Variants in EXTL3 observed in about 807,000 individuals in gnomAD.
EXTL3 encodes the protein exostosin like glycosyltransferase 3.
EXTL3 carries 27 observed loss-of-function variants against 69.3 expected under a neutral mutation model. The observed-to-expected ratio is 0.39, with a 90% CI of 0.29 to 0.54. The LOEUF is 0.54. Ranked by LOEUF, EXTL3 falls within the 20% of genes least tolerant of loss-of-function variation. The probability of loss-of-function intolerance (pLI) is 0.69; values close to 1 mark genes in which losing one functional copy is unlikely to be tolerated. For synonymous variants in EXTL3, 511 were observed against 499.4 expected (o/e 1.02, Z -0.31); for missense variants, 1,003 against 1,231.8 (o/e 0.81, Z 2.78).
chr8:28,677,603 C>G (rs1187453984), intron 1 of EXTL3, among the ~76,000 whole-genome samples: 1 of 152,252 alleles, frequency 6.6e-6, no homozygotes, highest in Admixed American at 6.5e-5. Context: ...TGGGACATCA[C>G]TCTCTGGCAT....
intron 6 of EXTL3, 68 bp downstream of exon 6, chr8:28,743,282 A>T: frequency 6.4e-7 from 1 of 1,553,408 alleles, no homozygotes; most frequent in Non-Finnish European, 8.9e-7. Flanking sequence ...GCAGTAGTGC[A>T]GCACGTAACT....
intron 1 of EXTL3, among the ~76,000 whole-genome samples, chr8:28,645,426 C>T (rs1431716636): frequency 6.6e-6 from 1 of 152,084 alleles, no homozygotes; most frequent in Non-Finnish European, 1.5e-5. Flanking sequence ...TGGAATTCCT[C>T]TGTTAAAAAT....
chr8:28,657,379 T>C (rs543550844), intron 1 of EXTL3, among the ~76,000 whole-genome samples: 14 of 152,224 alleles, frequency 9.2e-5, no homozygotes, highest in Non-Finnish European at 1.9e-4. Context: ...CATCTCTGCA[T>C]CCACTGCCCT....
chr8:28,677,052 T>A (rs1351834180), intron 1 of EXTL3, among the ~76,000 whole-genome samples: 1 of 152,022 alleles, frequency 6.6e-6, no homozygotes, highest in Non-Finnish European at 1.5e-5. Context: ...TCTGAGGATG[T>A]AAGAAACTTG....
At chr8:28,711,625 G>A (rs1025924955) in intron 1 of EXTL3, among the ~76,000 whole-genome samples, 1 of 152,160 alleles carries the variant, frequency 6.6e-6, no homozygotes, top group African/African-American at 2.4e-5. Context: ...TAGTCTAGCT[G>A]CAGGTCCATA....
intron 1 of EXTL3, among the ~76,000 whole-genome samples, chr8:28,682,413 T>C (rs545786390): frequency 6.6e-6 from 1 of 152,242 alleles, no homozygotes; most frequent in African/African-American, 2.4e-5. Context: ...TCACTGTTGA[T>C]TGTTTCCTTT....
intron 1 of EXTL3, among the ~76,000 whole-genome samples, chr8:28,625,225 T>C (rs967315489): frequency 1.3e-5 from 2 of 152,182 alleles, no homozygotes; most frequent in African/African-American, 4.8e-5. Context: ...ACACTGCACA[T>C]AGGATCTATA....
chr8:28,618,331 A>ATAC (rs1476852829), upstream of EXTL3, among the ~76,000 whole-genome samples: 2 of 152,126 alleles, frequency 1.3e-5, no homozygotes, highest in Non-Finnish European at 2.9e-5. Flanking sequence ...AATAATAATA[A>ATAC]TAGTAAAACA....
At chr8:28,610,962 T>C (rs10089296) in intron 2 of EXTL3, among the ~76,000 whole-genome samples, 43,620 of 151,776 alleles carry the variant, frequency 0.29, 6,396 homozygotes, top group African/African-American at 0.33. Flanking sequence ...AGGCTGGTCT[T>C]GAACTCCTGA....
intron 1 of EXTL3, among the ~76,000 whole-genome samples, chr8:28,631,186 G>A (rs181563604): frequency 1.5e-4 from 23 of 149,578 alleles, no homozygotes; most frequent in Admixed American, 1.3e-3. Flanking sequence ...GGATTATCAC[G>A]TGGCCTCCCT....
chr8:28,676,993 G>A (rs1386822547), intron 1 of EXTL3, among the ~76,000 whole-genome samples: 1 of 152,144 alleles, frequency 6.6e-6, no homozygotes, highest in African/African-American at 2.4e-5. Context: ...TCGTCTCTTG[G>A]CTACAAAGAG....
Position 28,717,379 on chromosome 8 carries a change from C to T in EXTL3, c.1320C>T (p.Arg440=), listed in dbSNP as rs1801181798. The T allele has an allele frequency of 6.2e-7, 1 of 1,614,068 alleles. No homozygotes were observed. Among genetic ancestry groups the T allele is most frequent in the South Asian group, 1.1e-5 (1 of 91,086 alleles). The change falls in exon 3 of 7, where the codon CGC becomes CGT. Residue 440 remains arginine (R), a synonymous_variant. Coordinates refer to ENST00000220562, the MANE Select transcript of EXTL3 (RefSeq NM_001440.4). This position sits in a 1 kb window ranked among gnomAD's most constrained non-coding sequence, Gnocchi z 8.3. ...FALIITPGDP[R]LVISSGCATR... ...TCATCATTACCCCCGGGGACCCTCG[C>T]TTGGTTATTTCCTCTGGGTGTGCAA...
At chr8:28,709,375 T>C (rs1236152044) in intron 1 of EXTL3, among the ~76,000 whole-genome samples, 1 of 152,160 alleles carries the variant, frequency 6.6e-6, no homozygotes, top group Non-Finnish European at 1.5e-5. Flanking sequence ...GAAGGTTTCA[T>C]TGGGAACATC....
In EXTL3 at chr8:28,717,007, A is replaced by T; in HGVS notation, c.948A>T (p.Val316=). The change falls in exon 3 of 7, where the codon GTA becomes GTT. Residue 316 remains valine (V), a synonymous_variant. Coordinates refer to ENST00000220562, the MANE Select transcript of EXTL3 (RefSeq NM_001440.4). The surrounding 1 kb of genome is among the most constrained non-coding windows in gnomAD (Gnocchi z 8.3). ...ACAGACCTGGCTTTGACTTGGTCGTATCACCGCTGGTCCATGCCATGTCTG... is the reference window on the plus strand; with the variant it reads ...ACAGACCTGGCTTTGACTTGGTCGTTTCACCGCTGGTCCATGCCATGTCTG... ...VQYRPGFDLV[V]SPLVHAMSEP... is the part of the protein sequence containing the mutation. The T allele has an allele frequency of 6.2e-7, 1 of 1,614,238 alleles. No individual in the cohort carries two copies. The highest frequency in any genetic ancestry group is 8.5e-7 in the Non-Finnish European group (1 of 1,180,044).
intron 3 of EXTL3, among the ~76,000 whole-genome samples, chr8:28,728,371 C>T (rs1801458186): frequency 6.6e-6 from 1 of 152,220 alleles, no homozygotes; most frequent in Non-Finnish European, 1.5e-5. Flanking sequence ...CTAGGCCTCA[C>T]TCGGTCCTTC....
chr8:28,683,299 T>A (rs1165469077), intron 1 of EXTL3, among the ~76,000 whole-genome samples: 1 of 151,664 alleles, frequency 6.6e-6, no homozygotes, highest in African/African-American at 2.4e-5. Flanking sequence ...TCATTGGAAT[T>A]TGGATAGGGA....
rs373190688 is a variant in EXTL3, at chr8:28,737,600, C to G, written c.2358C>G (p.Leu786=). 1.9e-6 allele frequency: 3 copies of G among 1,614,018 alleles called. No individual in the cohort carries two copies. The African/African-American group carries it at 4.0e-5, about 22-fold the overall frequency. ...GGGACATCCCCCATCAGTCCTGGCTCTACAACTCCAACTACTCCTGTGAGC... is the reference window on the plus strand; with the variant it reads ...GGGACATCCCCCATCAGTCCTGGCTGTACAACTCCAACTACTCCTGTGAGC... ...HAWDIPHQSW[L]YNSNYSCELS... Residue 786 remains leucine (L), a synonymous_variant, in exon 5 of 7, where the codon CTC becomes CTG. Coordinates refer to ENST00000220562, the MANE Select transcript of EXTL3 (RefSeq NM_001440.4).
chr8:28,718,108 G>A lies in EXTL3; in HGVS notation c.2049G>A (p.Leu683=). The stretch of plus-strand genomic sequence containing the variant: ...TGCTTATGAACTCTTTAGAGAGGCT[G>A]AATGGCCTCCCTTACCTGAACAAGG... ...EEVLMNSLER[L]NGLPYLNKVV... Residue 683 remains leucine (L), a synonymous_variant, in exon 3 of 7, where the codon CTG becomes CTA. Transcript: ENST00000220562. 1 of 1,614,154 alleles carries A rather than the reference G, an allele frequency of 6.2e-7. No homozygotes were observed. Among genetic ancestry groups the A allele is most frequent in the Non-Finnish European group, 8.5e-7 (1 of 1,180,032 alleles).
intron 6 of EXTL3, among the ~76,000 whole-genome samples, chr8:28,745,933 T>G (rs938331987): frequency 6.6e-6 from 1 of 152,208 alleles, no homozygotes; most frequent in Non-Finnish European, 1.5e-5. Context: ...AATTCAAGAT[T>G]GGGATGACTT....
Sources: allele counts gnomAD v4.1 joint callset (sites outside exome capture counted in the v4.1 genomes callset), GRCh38; gene constraint gnomAD v4.1.1; non-coding constraint Gnocchi (gnomAD v3.1); transcripts MANE v1.5; gene names NCBI Gene and HGNC (gene_info 2026-07-23, HGNC 2026-07-21).